Variants in TBC1D1 observed in about 807,000 individuals in gnomAD.
TBC1D1 encodes TBC1 domain family member 1, also known as TBC1 (tre-2/USP6, BUB2, cdc16) domain family, member 1.
In TBC1D1, 89 loss-of-function variants were observed where a neutral mutation model predicts 125.6. That is an observed-to-expected ratio of 0.71 (90% CI 0.60 to 0.85). TBC1D1 has a LOEUF of 0.85. Among genes scored for constraint, TBC1D1 ranks in the 40% least tolerant of loss-of-function variants. TBC1D1 has a pLI of 0.00. For missense variants in TBC1D1, 1,377 were observed against 1,469.2 expected, an observed-to-expected ratio of 0.94 and a Z score of 1.03; for synonymous variants, 565 against 564.1, an observed-to-expected ratio of 1.00 and a Z score of -0.02.
chr4:37,895,491 G>T (rs1163157443), intron 1 of TBC1D1, among the ~76,000 whole-genome samples: 1 of 152,124 alleles, frequency 6.6e-6, no homozygotes, highest in Admixed American at 6.5e-5. Flanking sequence ...ATCACTTGAG[G>T]TCAGGAGTTG....
Position 38,125,094 on chromosome 4 carries a change from A to G in TBC1D1, c.3095A>G (p.Asn1032Ser). The change falls in exon 18 of 20, where the codon AAC becomes AGC. Residue 1032 changes from asparagine to serine, a missense_variant. By Grantham distance (46) the Asn-to-Ser change is conservative. Transcript: ENST00000261439. The stretch of plus-strand genomic sequence containing the variant: ...GACTTTATAAAAAGCACGCTACCCA[A>G]CCTTGGCTTGGTACAGATGGAAAAG... 2 of 1,614,086 alleles carry G rather than the reference A, an allele frequency of 1.2e-6. No individual in the cohort carries two copies. Among genetic ancestry groups the G allele is most frequent in the African/African-American group, 1.3e-5 (1 of 75,014 alleles).
chr4:38,048,170 T>G (rs1749839207), intron 10 of TBC1D1, among the ~76,000 whole-genome samples: 1 of 152,216 alleles, frequency 6.6e-6, no homozygotes, highest in East Asian at 1.9e-4. Context: ...TATTCTATTT[T>G]ATGTAATTGG....
At chr4:37,947,913 G>A (rs1413546267) in intron 2 of TBC1D1, among the ~76,000 whole-genome samples, 1 of 152,016 alleles carries the variant, frequency 6.6e-6, no homozygotes, top group East Asian at 1.9e-4. Flanking sequence ...AACAAAGGTA[G>A]TACCCCCAAA....
At chr4:38,137,106 G>A in intron 19 of TBC1D1, 29 bp from the exon 22 acceptor site, 2 of 1,612,306 alleles carry the variant, frequency 1.2e-6, no homozygotes, top group South Asian at 1.1e-5. Flanking sequence ...ACTGGCAATT[G>A]TATTCTCATT....
chr4:37,962,963 A>T (rs540456909), intron 2 of TBC1D1, among the ~76,000 whole-genome samples: 2 of 152,338 alleles, frequency 1.3e-5, no homozygotes, highest in Non-Finnish European at 2.9e-5. Flanking sequence ...CATCTTCATT[A>T]CAGTCAGTTT....
At chr4:38,040,429 T>C (rs55878551) in intron 8 of TBC1D1, among the ~76,000 whole-genome samples, 13,940 of 152,108 alleles carry the variant, frequency 0.092, 1,496 homozygotes, top group African/African-American at 0.26. Flanking sequence ...GCTGGGACTA[T>C]AGGCGTGCGC....
At chr4:38,064,697 C>T (rs1237862102) in intron 12 of TBC1D1, among the ~76,000 whole-genome samples, 1 of 151,026 alleles carries the variant, frequency 6.6e-6, no homozygotes, top group Non-Finnish European at 1.5e-5. Context: ...GATCTCCGCT[C>T]ACTGCCACCT....
chr4:37,950,436 T>C (rs890096013), intron 2 of TBC1D1, among the ~76,000 whole-genome samples: 1 of 151,740 alleles, frequency 6.6e-6, no homozygotes, highest in African/African-American at 2.4e-5. Flanking sequence ...AGACCCTTTA[T>C]GCCGTCTTTG....
intron 2 of TBC1D1, among the ~76,000 whole-genome samples, chr4:37,975,826 T>G (rs891304901): frequency 6.6e-6 from 1 of 152,216 alleles, no homozygotes; most frequent in Non-Finnish European, 1.5e-5. Flanking sequence ...TTAATGATAT[T>G]CATATATAAT....
intron 2 of TBC1D1, among the ~76,000 whole-genome samples, chr4:37,979,506 G>C (rs1234769469): frequency 1.3e-5 from 2 of 152,158 alleles, no homozygotes; most frequent in East Asian, 3.8e-4. Flanking sequence ...TACAAACTAG[G>C]TAATATCCTA....
At chr4:38,019,003 T>C (rs765098826) in intron 4 of TBC1D1, among the ~76,000 whole-genome samples, 11 of 152,146 alleles carry the variant, frequency 7.2e-5, no homozygotes, top group Non-Finnish European at 1.3e-4. Flanking sequence ...CCTTCAAATA[T>C]AGATAGTGCT....
intron 11 of TBC1D1, among the ~76,000 whole-genome samples, chr4:38,050,604 A>G (rs1038118925): frequency 1.7e-4 from 26 of 152,254 alleles, no homozygotes; most frequent in African/African-American, 6.0e-4. Flanking sequence ...AAATGGACAC[A>G]GTTATCTTTA....
chr4:38,033,646 C>T (rs1484492135), intron 7 of TBC1D1, among the ~76,000 whole-genome samples: 4 of 152,000 alleles, frequency 2.6e-5, no homozygotes, highest in East Asian at 3.8e-4. Context: ...TGTCATGTGC[C>T]CATCATTACG....
intron 2 of TBC1D1, among the ~76,000 whole-genome samples, chr4:37,965,796 G>T (rs1472022555): frequency 6.6e-6 from 1 of 151,868 alleles, no homozygotes; most frequent in Non-Finnish European, 1.5e-5. Flanking sequence ...TGTCACCAAG[G>T]CTGGAGTACA....
At position 37,999,580 on chromosome 4, in the gene TBC1D1, G is replaced by A. The variant is rs1454629905; in HGVS notation, c.418-14929G>A. 3.3e-5 allele frequency among the ~76,000 whole-genome samples: 5 copies of A among 152,182 alleles called. No individual in the cohort carries two copies. The East Asian group carries it at 9.7e-4, about 29-fold the overall frequency. ...CAGGTGTTACAGCAGAAGACCAGGT[G>A]CCCTCAGGACCTGGGAGAGCAGGCC... is the stretch of plus-strand genomic sequence containing the variant. On this transcript the variant is annotated intron_variant, in intron 2 of 19. Transcript: ENST00000261439.
chr4:38,031,009 C>T (rs1746017742), intron 7 of TBC1D1, among the ~76,000 whole-genome samples: 1 of 152,164 alleles, frequency 6.6e-6, no homozygotes, highest in Non-Finnish European at 1.5e-5. Context: ...GGCATGTGGG[C>T]ATACCACACT....
chr4:38,121,816 TC>T (rs1469044315), intron 17 of TBC1D1, among the ~76,000 whole-genome samples: 1 of 152,242 alleles, frequency 6.6e-6, no homozygotes, highest in Non-Finnish European at 1.5e-5. Context: ...GTAACATTTT[TC>T]TTTACTATTG....
intron 2 of TBC1D1, among the ~76,000 whole-genome samples, chr4:37,916,572 G>T (rs1719785217): frequency 6.6e-6 from 1 of 152,122 alleles, no homozygotes; most frequent in Non-Finnish European, 1.5e-5. Context: ...AGGATGGGCT[G>T]AAAGTGCTTG....
chr4:38,124,307 C>T (rs1417241311), intron 17 of TBC1D1, among the ~76,000 whole-genome samples: 4 of 152,182 alleles, frequency 2.6e-5, no homozygotes, highest in Non-Finnish European at 5.9e-5. Flanking sequence ...CGGTGCCCTC[C>T]CTCTTATTCT....
Sources: gnomAD v4.1 joint callset for allele counts (sites outside exome capture counted in the v4.1 genomes callset) on GRCh38, gnomAD v4.1.1 for gene constraint, MANE v1.5 for transcripts, NCBI Gene and HGNC (gene_info 2026-07-23, HGNC 2026-07-21) for gene names.